The following CD226 variants were observed in gnomAD, a reference collection of about 807,000 sequenced individuals.
CD226 encodes the protein CD226 antigen.
A neutral mutation model predicts 34.9 loss-of-function variants in CD226; 24 were observed. The observed-to-expected ratio is 0.69, with a 90% CI of 0.50 to 0.97. CD226 has a LOEUF of 0.97. Among genes scored for constraint, CD226 ranks in the 50% least tolerant of loss-of-function variants. CD226 has a pLI of 0.00. For synonymous variants in CD226, 148 were observed against 147.4 expected (o/e 1.00, Z -0.03); for missense variants, 397 against 412.7 (o/e 0.96, Z 0.33).
chr18:69,948,285 A>G (rs2055816944), upstream of CD226, among the ~76,000 whole-genome samples: 1 of 152,156 alleles, frequency 6.6e-6, no homozygotes, highest in Non-Finnish European at 1.5e-5. Flanking sequence ...CTTGTTAGGT[A>G]CAAGTTCCAA....
rs868602233 is a variant in CD226 at position 69,859,292 on chromosome 18, G to A, written c.*5022C>T. The A allele has an allele frequency of 6.6e-6, 1 of 152,076 alleles. No individual in the cohort carries two copies. Among genetic ancestry groups the A allele is most frequent in the Middle Eastern group, 3.4e-3 (1 of 294 alleles). The allele number at this position is 152,076 out of a possible 1,614,324, so 9.4% of individuals were successfully genotyped here. The stretch of plus-strand genomic sequence containing the variant: ...TGGTAGAATTCCTGCTGCATCACAG[G>A]GGAGTTTCAGGTCAATTTATGGTAA... On this transcript the variant is annotated 3_prime_UTR_variant, in exon 6 of 6. Coordinates refer to ENST00000582621, the MANE Select transcript of CD226 (RefSeq NM_001303618.2).
chr18:69,904,314 AG>A (rs2055224288), intron 2 of CD226, among the ~76,000 whole-genome samples: 1 of 152,212 alleles, frequency 6.6e-6, no homozygotes, highest in South Asian at 2.1e-4. Flanking sequence ...GTATGTCCAA[AG>A]AGCGATTCCC....
At position 69,913,235 on chromosome 18, in the gene CD226, T is replaced by C. The variant is rs186435018; in HGVS notation, c.383-17190A>G. The stretch of plus-strand genomic sequence containing the variant: ...AGAAGAGAGAGAGACATCACAAGAA[T>C]ACCAAGGATATCATAGAAAGAAAAA... On this transcript the variant is annotated intron_variant, in intron 2 of 5. Transcript: ENST00000582621. Among the ~76,000 whole-genome samples the C allele has an allele frequency of 2.9e-3, 436 of 152,096 alleles. 2 individuals are homozygous for C. The highest frequency in any genetic ancestry group is 8.8e-3 in the African/African-American group (364 of 41,478).
At chr18:69,905,520 G>A (rs1223315478) in intron 2 of CD226, among the ~76,000 whole-genome samples, 2 of 152,148 alleles carry the variant, frequency 1.3e-5, no homozygotes, top group Non-Finnish European at 1.5e-5. Flanking sequence ...TGCACCGCGG[G>A]GCAGAGGGCA....
intron 2 of CD226, among the ~76,000 whole-genome samples, chr18:69,915,704 C>T (rs575785897): frequency 7.2e-4 from 109 of 152,258 alleles, no homozygotes; most frequent in African/African-American, 2.1e-3. Context: ...CTGCATAGTA[C>T]GCACTTCCCC....
chr18:69,958,091 C>T (rs759389391), upstream of CD226, among the ~76,000 whole-genome samples: 9 of 152,222 alleles, frequency 5.9e-5, no homozygotes, highest in Non-Finnish European at 1.2e-4. Flanking sequence ...GTATCTTATA[C>T]TCTCCCTGGG....
intron 2 of CD226, among the ~76,000 whole-genome samples, chr18:69,902,695 G>T (rs1024912961): frequency 1.3e-5 from 2 of 151,690 alleles, no homozygotes; most frequent in Admixed American, 1.3e-4. Context: ...AATCAATAGC[G>T]CCTGCTCAGT....
At chr18:69,958,428 C>T (rs541158878), upstream of CD226, among the ~76,000 whole-genome samples, 7 of 152,204 alleles carry the variant, frequency 4.6e-5, no homozygotes, top group East Asian at 1.9e-4. Context: ...CCTCAATTTT[C>T]GATTTTCTCA....
chr18:69,883,115 A>T (rs1479934581), intron 3 of CD226, among the ~76,000 whole-genome samples: 1 of 152,200 alleles, frequency 6.6e-6, no homozygotes, highest in African/African-American at 2.4e-5. Context: ...CAAGTCCATA[A>T]AAAAGAAGAT....
chr18:69,853,950 C>G lies in CD226; in HGVS notation c.*10364G>C, dbSNP rs138441839. 47 of 152,196 alleles carry G rather than the reference C, an allele frequency of 3.1e-4. No homozygotes were observed. The highest frequency in any genetic ancestry group is 1.1e-3 in the African/African-American group (45 of 41,518). The allele number at this position is 152,196 out of a possible 1,614,324, so 9.4% of individuals were successfully genotyped here. ...AAGATGAGCCAAAGAGCAGCCTAGA[C>G]GAGAGCAAGTCATATGGAATGGAGT... On this transcript the variant is annotated 3_prime_UTR_variant, in exon 6 of 6. Coordinates refer to ENST00000582621, the MANE Select transcript of CD226 (RefSeq NM_001303618.2).
rs201644137 is a variant in CD226 at position 69,872,057 on chromosome 18, G to GGTGTGTGTGTGTGT, written c.830+1073_830+1086dup. On this transcript the variant is annotated intron_variant, in intron 4 of 5. Transcript: ENST00000582621. ...GACACTGGAAATCCTATTAACAAGG[G>GGTGTGTGTGTGTGT]GTGTGTGTGTGTGTGTGTGTGTGTG... is the stretch of plus-strand genomic sequence containing the variant. Among the ~76,000 whole-genome samples the GGTGTGTGTGTGTGT allele has an allele frequency of 5.1e-3, 731 of 143,516 alleles. 7 individuals are homozygous for GGTGTGTGTGTGTGT. Among genetic ancestry groups the GGTGTGTGTGTGTGT allele is most frequent in the African/African-American group, 0.017 (659 of 38,202 alleles). The allele number at this position is 143,516 out of a possible 152,430, so 94.2% of individuals were successfully genotyped here. A position where few individuals can be genotyped will look rare whatever the true frequency, so the allele number is the denominator to read the frequency against.
chr18:69,938,743 C>T (rs903941308), intron 2 of CD226, among the ~76,000 whole-genome samples: 2 of 152,240 alleles, frequency 1.3e-5, no homozygotes, highest in Admixed American at 1.3e-4. Context: ...TACCTTAGAG[C>T]TTTCAACTGC....
rs554045984 is a variant in CD226 at position 69,863,084 on chromosome 18, G to A, written c.*1230C>T. 1 of 152,254 alleles carries A rather than the reference G, an allele frequency of 6.6e-6. No individual in the cohort carries two copies. The highest frequency in any genetic ancestry group is 2.1e-4 in the South Asian group (1 of 4,822). The allele number at this position is 152,254 out of a possible 1,614,324, so 9.4% of individuals were successfully genotyped here. On this transcript the variant is annotated 3_prime_UTR_variant, in exon 6 of 6. Transcript: ENST00000582621. Reference sequence around the variant, plus strand: ...GACTGTTGGTGATGTCATTAGGGCTGTCTTTGTCTGAATAGTGAAGCAGAA... The same window carrying A: ...GACTGTTGGTGATGTCATTAGGGCTATCTTTGTCTGAATAGTGAAGCAGAA...
intron 2 of CD226, among the ~76,000 whole-genome samples, chr18:69,927,767 C>T (rs762860380): frequency 6.6e-6 from 1 of 152,168 alleles, no homozygotes; most frequent in Non-Finnish European, 1.5e-5. Flanking sequence ...ATGTTACATA[C>T]ATTTTATATA....
upstream of CD226, among the ~76,000 whole-genome samples, chr18:69,948,346 C>T (rs1414562824): frequency 6.6e-6 from 1 of 152,050 alleles, no homozygotes; most frequent in South Asian, 2.1e-4. Context: ...AAAAAGTATA[C>T]CCCTACAAAA....
chr18:69,903,393 T>C (rs1173516453), intron 2 of CD226, among the ~76,000 whole-genome samples: 4 of 152,110 alleles, frequency 2.6e-5, no homozygotes, highest in Admixed American at 6.5e-5. Flanking sequence ...ATTTCAAACA[T>C]AGACAGCAAT....
At chr18:69,888,389 C>T (rs1284731339) in intron 3 of CD226, among the ~76,000 whole-genome samples, 2 of 150,806 alleles carry the variant, frequency 1.3e-5, no homozygotes, top group African/African-American at 2.4e-5. Flanking sequence ...TAAATGTAGC[C>T]ATGCACTGAC....
At chr18:69,948,088 CT>C (rs543531732), upstream of CD226, among the ~76,000 whole-genome samples, 143 of 152,328 alleles carry the variant, frequency 9.4e-4, 1 homozygote, top group Admixed American at 7.6e-3. Flanking sequence ...GATTTAACTT[CT>C]GATTTTGAAA....
intron 2 of CD226, among the ~76,000 whole-genome samples, chr18:69,910,454 T>C (rs567089599): frequency 1.3e-5 from 2 of 152,236 alleles, no homozygotes; most frequent in East Asian, 3.9e-4. Context: ...CAAACCCTAA[T>C]TGGGAGATGC....
Sources: gnomAD v4.1 joint callset for allele counts (sites outside exome capture counted in the v4.1 genomes callset) on GRCh38, gnomAD v4.1.1 for gene constraint, MANE v1.5 for transcripts, NCBI Gene and HGNC (gene_info 2026-07-23, HGNC 2026-07-21) for gene names.